Variants in RAP1GDS1 observed in about 807,000 individuals in gnomAD.
RAP1GDS1 encodes Rap1 GTPase-GDP dissociation stimulator 1, also known as RAP1, GTP-GDP dissociation stimulator 1.
RAP1GDS1 carries 35 observed loss-of-function variants against 71.1 expected under a neutral mutation model. The observed-to-expected ratio is 0.49, with a 90% CI of 0.38 to 0.65. RAP1GDS1 has a LOEUF of 0.65. Among genes scored for constraint, RAP1GDS1 ranks in the 30% least tolerant of loss-of-function variants. The probability of loss-of-function intolerance (pLI) is 0.00; values close to 1 mark genes in which losing one functional copy is unlikely to be tolerated. For synonymous variants in RAP1GDS1, 229 were observed against 243.1 expected (o/e 0.94, Z 0.54); for missense variants, 663 against 706.1 (o/e 0.94, Z 0.69).
At chr4:98,266,328 A>G (rs1722712482) in intron 1 of RAP1GDS1, among the ~76,000 whole-genome samples, 2 of 152,216 alleles carry the variant, frequency 1.3e-5, no homozygotes, top group Admixed American at 6.5e-5. Flanking sequence ...TTTGCATGGC[A>G]TTTTGCCTAA....
chr4:98,368,820 A>C (rs1485727112), intron 4 of RAP1GDS1, among the ~76,000 whole-genome samples: 4 of 152,180 alleles, frequency 2.6e-5, no homozygotes, highest in African/African-American at 9.7e-5. Flanking sequence ...AAATCAGCTA[A>C]AGTTCCACTT....
At chr4:98,298,139 GAAAA>G (rs1258214960) in intron 2 of RAP1GDS1, among the ~76,000 whole-genome samples, 7 of 152,190 alleles carry the variant, frequency 4.6e-5, no homozygotes, top group African/African-American at 1.7e-4. Flanking sequence ...ACTGCATTAA[GAAAA>G]GTTGGACACT....
chr4:98,308,270 CCA>C (rs1364880529), intron 2 of RAP1GDS1, among the ~76,000 whole-genome samples: 850 of 81,558 alleles, frequency 0.01, 7 homozygotes, highest in African/African-American at 0.035. Context: ...ACACACACAC[CCA>C]CACACATATA....
At chr4:98,357,397 G>A (rs1303424164) in intron 4 of RAP1GDS1, among the ~76,000 whole-genome samples, 1 of 151,876 alleles carries the variant, frequency 6.6e-6, no homozygotes, top group Admixed American at 6.6e-5. Flanking sequence ...TACATCATGT[G>A]TATAAGAATA....
intron 6 of RAP1GDS1, among the ~76,000 whole-genome samples, chr4:98,398,897 A>G (rs749130338): frequency 1.3e-5 from 2 of 152,196 alleles, no homozygotes; most frequent in Non-Finnish European, 1.5e-5. Context: ...GAAAACTACA[A>G]AACACTGATG....
chr4:98,403,203 A>G (rs921881904), intron 6 of RAP1GDS1, among the ~76,000 whole-genome samples: 3 of 152,204 alleles, frequency 2.0e-5, no homozygotes, highest in Admixed American at 6.5e-5. Flanking sequence ...AAGATAACCC[A>G]GGAGGCCAGC....
intron 1 of RAP1GDS1, among the ~76,000 whole-genome samples, chr4:98,269,952 A>G (rs1284208850): frequency 6.6e-6 from 1 of 152,180 alleles, no homozygotes; most frequent in Non-Finnish European, 1.5e-5. Context: ...CTGCTATGAC[A>G]GAATACTGCA....
At chr4:98,279,320 G>C (rs1344990628) in intron 1 of RAP1GDS1, among the ~76,000 whole-genome samples, 2 of 151,700 alleles carry the variant, frequency 1.3e-5, no homozygotes, top group Non-Finnish European at 2.9e-5. Flanking sequence ...TAATATATGA[G>C]TTCTATAACA....
At chr4:98,301,677 A>G (rs1199736315) in intron 2 of RAP1GDS1, among the ~76,000 whole-genome samples, 1 of 152,150 alleles carries the variant, frequency 6.6e-6, no homozygotes, top group Non-Finnish European at 1.5e-5. Flanking sequence ...ATAGCACACA[A>G]TGAAAATTAC....
chr4:98,400,375 C>A (rs1745200496), intron 6 of RAP1GDS1, among the ~76,000 whole-genome samples: 1 of 151,762 alleles, frequency 6.6e-6, no homozygotes, highest in Non-Finnish European at 1.5e-5. Flanking sequence ...CAATGGAATA[C>A]TATTCAGCCA....
chr4:98,337,994 A>G lies in RAP1GDS1; in HGVS notation c.113-5145A>G, dbSNP rs539336691. On this transcript the variant is annotated intron_variant, in intron 2 of 14. Coordinates refer to ENST00000408927, the MANE Select transcript of RAP1GDS1 (RefSeq NM_001100427.2). ...GAAGTTTATTCTTATACTATTGTAG[A>G]TGAAAGATGCGGACAGGGCAGGGGA... Among the ~76,000 whole-genome samples the G allele has an allele frequency of 2.0e-5, 3 of 152,304 alleles. No individual in the cohort carries two copies. In the South Asian group the frequency reaches 6.2e-4, roughly 32 times the overall value.
chr4:98,406,725 TAAG>T (rs1455501638), intron 7 of RAP1GDS1, among the ~76,000 whole-genome samples: 2 of 152,086 alleles, frequency 1.3e-5, no homozygotes, highest in Admixed American at 6.6e-5. Flanking sequence ...ATGAAACATT[TAAG>T]AACATGTATA....
intron 2 of RAP1GDS1, among the ~76,000 whole-genome samples, chr4:98,304,292 A>G (rs1305768498): frequency 2.0e-5 from 3 of 152,206 alleles, no homozygotes; most frequent in Non-Finnish European, 4.4e-5. Flanking sequence ...ACAATGGTTG[A>G]ACTAATTCAC....
intron 1 of RAP1GDS1, among the ~76,000 whole-genome samples, chr4:98,269,744 T>G (rs987898065): frequency 2.0e-5 from 3 of 152,170 alleles, no homozygotes; most frequent in Non-Finnish European, 4.4e-5. Flanking sequence ...AGCATTTGGA[T>G]TTTTGGTTTC....
rs1264991583 is a variant in RAP1GDS1 at position 98,442,625 on chromosome 4, G to T, written c.*508G>T. ...CTTTCCTACTGATGTCAAATCCATG[G>T]TACCTAGAGTTAAATAAAATTCCAA... On this transcript the variant is annotated 3_prime_UTR_variant, in exon 15 of 15. Coordinates refer to ENST00000408927, the MANE Select transcript of RAP1GDS1 (RefSeq NM_001100427.2). 1 of 227,966 alleles carries T rather than the reference G, an allele frequency of 4.4e-6. No homozygotes were observed. The highest frequency in any genetic ancestry group is 8.7e-6 in the Non-Finnish European group (1 of 114,714). The allele number at this position is 227,966 out of a possible 1,614,324, so 14.1% of individuals were successfully genotyped here.
At chr4:98,306,925 T>A (rs1488647685) in intron 2 of RAP1GDS1, among the ~76,000 whole-genome samples, 1 of 152,114 alleles carries the variant, frequency 6.6e-6, no homozygotes, top group Non-Finnish European at 1.5e-5. Context: ...CAGAGAAGAT[T>A]AAGGTTTCAT....
At chr4:98,315,675 G>A (rs1730835783) in intron 2 of RAP1GDS1, among the ~76,000 whole-genome samples, 1 of 152,036 alleles carries the variant, frequency 6.6e-6, no homozygotes, top group Admixed American at 6.6e-5. Context: ...GTGAAAAGTG[G>A]AAAGGGCATA....
intron 2 of RAP1GDS1, among the ~76,000 whole-genome samples, chr4:98,322,141 T>A: frequency 4.5e-5 from 4 of 88,196 alleles, no homozygotes; most frequent in Non-Finnish European, 6.9e-5. Context: ...TAAAACAGAC[T>A]TTAAACCAAC....
At chr4:98,319,195 G>A (rs1359006212) in intron 2 of RAP1GDS1, among the ~76,000 whole-genome samples, 1 of 152,104 alleles carries the variant, frequency 6.6e-6, no homozygotes, top group South Asian at 2.1e-4. Flanking sequence ...CATTTGCTTA[G>A]CATGTTCTAG....
Sources: allele counts gnomAD v4.1 joint callset (sites outside exome capture counted in the v4.1 genomes callset), GRCh38; gene constraint gnomAD v4.1.1; transcripts MANE v1.5; gene names NCBI Gene and HGNC (gene_info 2026-07-23, HGNC 2026-07-21).